The following TTN variants were observed in gnomAD, a reference collection of about 807,000 sequenced individuals.
TTN encodes the protein titin.
In TTN, 1,525 loss-of-function variants were observed where a neutral mutation model predicts 3,223.0. The ratio of observed to expected loss-of-function variants is 0.47; its 90% CI spans 0.45 to 0.49. The LOEUF is 0.49. TTN is among the 20% of genes least tolerant of loss of function. The probability of loss-of-function intolerance (pLI) is 0.00; values close to 1 mark genes in which losing one functional copy is unlikely to be tolerated. For synonymous variants in TTN, 14,094 were observed against 15,161.0 expected (o/e 0.93, Z 5.17); for missense variants, 40,786 against 43,424.0 (o/e 0.94, Z 5.40).
Position 178,545,907 on chromosome 2 carries a change from C to T in TTN, c.95329G>A (p.Glu31777Lys), listed in dbSNP as rs1203504106. Residue 31777 changes from glutamate to lysine, a missense_variant, in exon 343 of 363, where the codon GAG becomes AAG. Physicochemically the swap from Glu to Lys is moderately conservative, Grantham distance 56. Coordinates refer to ENST00000589042, the MANE Select transcript of TTN (RefSeq NM_001267550.2). ...ACTGCCCTCACTCGGAATATGTACT[C>T]ATTGTTCTTGATGAGCCTGGTAACG... ...YVVTRLIKNN[E>K]YIFRVRAVNK... is the part of the protein sequence containing the mutation. 3 of 1,613,766 alleles carry T rather than the reference C, an allele frequency of 1.9e-6. No homozygotes were observed. The highest frequency in any genetic ancestry group is 1.7e-5 in the Admixed American group (1 of 59,992).
At position 178,729,348 on chromosome 2, in the gene TTN, G is replaced by A; in HGVS notation, c.18808C>T (p.Gln6270Ter). The A allele has an allele frequency of 6.2e-7, 1 of 1,613,524 alleles. No individual in the cohort carries two copies. ...CCGCCTTCATTGGATACAATGCACT[G>A]GTATTCCCCAGTGTCTGAAGGGTCA... ...KCDPSDTGEYQCIVSNEGGSC... is the reference protein window; with the variant it reads ...KCDPSDTGEY Residue 6270 changes from glutamine (Q) to a stop codon, truncating the protein, a stop_gained, in exon 64 of 363, where the codon CAG becomes TAG. Transcript: ENST00000589042. LOFTEE classifies it high-confidence loss of function.
chr2:178,718,929 G>C lies in TTN; in HGVS notation c.24271C>G (p.Pro8091Ala). The C allele has an allele frequency of 1.9e-6, 3 of 1,611,744 alleles. No individual in the cohort carries two copies. Among genetic ancestry groups the C allele is most frequent in the Non-Finnish European group, 2.5e-6 (3 of 1,178,874 alleles). ...CTGGTGAATGTGAGGCTCATTCCAG[G>C]CAAAACTTCCACAGAATCAGGGGTT... ...EQTPDSVEVL[P>A]GMSLTFTSVI... Residue 8091 changes from proline to alanine, a missense_variant, in exon 84 of 363, where the codon CCT (proline) becomes GCT (alanine). Physicochemically the swap from Pro to Ala is conservative, Grantham distance 27 (BLOSUM62 -1). Coordinates refer to ENST00000589042, the MANE Select transcript of TTN (RefSeq NM_001267550.2).
chr2:178,782,540 G>A lies in TTN; in HGVS notation c.3163C>T (p.Arg1055Cys), dbSNP rs751317253. 4 of 1,613,890 alleles carry A rather than the reference G, an allele frequency of 2.5e-6. No individual in the cohort carries two copies. The highest frequency in any genetic ancestry group is 3.4e-6 in the Non-Finnish European group (4 of 1,179,912). Residue 1055 changes from arginine (R) to cysteine (C), a missense_variant and splice_region_variant, in exon 19 of 363, where the codon CGC (arginine) becomes TGC (cysteine). Physicochemically the swap from Arg to Cys is radical, Grantham distance 180. Transcript: ENST00000589042. ...VTEKFTTEEK[R>C]FVESRDVVMT... ...CTACTAATTAGCAAAATATTTTACCGTTTCTCTTCTGTAGTAAATTTCTCA... is the reference window on the plus strand; with the variant it reads ...CTACTAATTAGCAAAATATTTTACCATTTCTCTTCTGTAGTAAATTTCTCA...
At chr2:178,528,456 T>C in intron 360 of TTN, 29 bp from the exon 361 acceptor site, 1 of 1,607,062 alleles carries the variant, frequency 6.2e-7, no homozygotes, top group Non-Finnish European at 8.5e-7. Flanking sequence ...AAAAGAAATG[T>C]TGAAGTTCTT....
chr2:178,728,819 C>T (rs1178461916), intron 65 of TTN, 41 bp from the exon 66 acceptor site: 1 of 1,578,798 alleles, frequency 6.3e-7, no homozygotes, highest in Non-Finnish European at 8.6e-7. Flanking sequence ...ACATTGGTAA[C>T]TCCACTAGAA....
rs1328400788 is a variant in TTN, at chr2:178,659,555, G to A, written c.37286-300C>T. 3.3e-5 allele frequency among the ~76,000 whole-genome samples: 5 copies of A among 149,714 alleles called. No individual in the cohort carries two copies. In the South Asian group the frequency reaches 1.1e-3, roughly 32 times the overall value. On this transcript the variant is annotated intron_variant, in intron 180 of 362. Transcript: ENST00000589042. Reference sequence around the variant, plus strand: ...GATGGGACGTATCTCAAAATAATAAGAGCTATTTATGACAAACCCACAGCC... The same window carrying A: ...GATGGGACGTATCTCAAAATAATAAAAGCTATTTATGACAAACCCACAGCC...
At position 178,728,206 on chromosome 2, in the gene TTN, C is replaced by T. The variant is rs1157784163; in HGVS notation, c.19618G>A (p.Val6540Ile). The T allele has an allele frequency of 1.2e-6, 2 of 1,612,822 alleles. No individual in the cohort carries two copies. Among genetic ancestry groups the T allele is most frequent in the Non-Finnish European group, 1.7e-6 (2 of 1,179,374 alleles). ...VCHERSVSLE[V>I]NNLELEDTAN... The stretch of plus-strand genomic sequence containing the variant: ...GTATCTTCTAATTCCAGATTATTAA[C>T]TTCCAGAGACACAGATCTCTCATGG... The change falls in exon 67 of 363, where the codon GTT becomes ATT. Residue 6540 changes from valine to isoleucine, a missense_variant. Val to Ile is a conservative substitution (Grantham distance 29). Transcript: ENST00000589042.
In TTN at chr2:178,776,941, T is replaced by C; in HGVS notation, c.4923A>G (p.Thr1641=). 1.2e-6 allele frequency: 2 copies of C among 1,613,802 alleles called. No individual in the cohort carries two copies. Among genetic ancestry groups the C allele is most frequent in the Non-Finnish European group, 1.7e-6 (2 of 1,179,936 alleles). Reference sequence around the variant, plus strand: ...CAACTTCAACATTTACTTTGCATCTTGTAGTGTCTCTGCCAGCTTTATTAA... The same window carrying C: ...CAACTTCAACATTTACTTTGCATCTCGTAGTGTCTCTGCCAGCTTTATTAA... ...TAINKAGRDT[T]RCKVNVEVEF... The change falls in exon 28 of 363, where the codon ACA becomes ACG. Residue 1641 remains threonine (T), a synonymous_variant. Transcript: ENST00000589042.
In TTN at chr2:178,610,245, T is replaced by C. The variant is rs1314484899; in HGVS notation, c.51281A>G (p.Tyr17094Cys). The C allele has an allele frequency of 1.9e-6, 3 of 1,613,018 alleles. No homozygotes were observed. The highest frequency in any genetic ancestry group is 1.7e-6 in the Non-Finnish European group (2 of 1,179,274). ...GTTCTCACCAGACATGACTGGTATA[T>C]ATGTTCTCCTCCCAGCTTCTCTGCG... Reference protein sequence around the residue: ...LERREAGRRTYIPVMSGENKL... With the variant: ...LERREAGRRTCIPVMSGENKL... Residue 17094 changes from tyrosine (Y) to cysteine (C), a missense_variant, in exon 271 of 363, where the codon TAT becomes TGT. Transcript: ENST00000589042.
rs568554504 is a variant in TTN at position 178,677,272 on chromosome 2, T to C, written c.34307A>G (p.Lys11436Arg). Residue 11436 changes from lysine to arginine, a missense_variant, in exon 147 of 363, where the codon AAG becomes AGG. By Grantham distance (26) the Lys-to-Arg change is conservative. Coordinates refer to ENST00000589042, the MANE Select transcript of TTN (RefSeq NM_001267550.2). ...PVPAPVPEVP[K>R]KPVPEKKVPV... ...GACTTTCTTCTCTGGTACAGGTTTC[T>C]TTGGCACTTCAGGCACTTAAAAACA... is the stretch of plus-strand genomic sequence containing the variant. 3.7e-4 allele frequency: 445 copies of C among 1,212,450 alleles called. 1 individual carries two copies. In the African/African-American group the frequency reaches 6.7e-3, roughly 18 times the overall value. The allele number at this position is 1,212,450 out of a possible 1,614,324, so 75.1% of individuals were successfully genotyped here.
Position 178,746,979 on chromosome 2 carries a change from C to T in TTN, c.11312-5058G>A, listed in dbSNP as rs749042606. On this transcript the variant is annotated intron_variant, in intron 47 of 362. Coordinates refer to ENST00000589042, the MANE Select transcript of TTN (RefSeq NM_001267550.2). ...TAGAAATGCTCATTTGGTGTACCGT[C>T]TTCCCTTTCTATTTTTGATGGATAT... The T allele has an allele frequency of 2.5e-6, 4 of 1,613,484 alleles. No individual in the cohort carries two copies. In the Admixed American group the frequency reaches 6.7e-5, roughly 27 times the overall value.
Position 178,654,020 on chromosome 2 carries a change from G to A in TTN, c.38456C>T (p.Ala12819Val), listed in dbSNP as rs2063593497. Residue 12819 changes from alanine (A) to valine (V), a missense_variant, in exon 194 of 363, where the codon GCA (alanine) becomes GTA (valine). Physicochemically the swap from Ala to Val is moderately conservative, Grantham distance 64. Coordinates refer to ENST00000589042, the MANE Select transcript of TTN (RefSeq NM_001267550.2). Reference protein sequence around the residue: ...KAPIKKPEAPAVTVPEVPQEA... With the variant: ...KAPIKKPEAPVVTVPEVPQEA... ...GTTGAGCTGACATGTACCTGTAACT[G>A]CGGGGGCTTCTGGTTTTTTGATTGG... is the stretch of plus-strand genomic sequence containing the variant. 1 of 1,576,508 alleles carries A rather than the reference G, an allele frequency of 6.3e-7. No individual in the cohort carries two copies.
rs563320328 is a variant in TTN, at chr2:178,725,838, G to A, written c.20484C>T (p.Ile6828=). ...TCTGTGCTTTGCAGTGGTATTCACC[G>A]ATGTCTGAAGTGTCCACATTGAGAA... is the stretch of plus-strand genomic sequence containing the variant. ...IHILNVDTSD[I]GEYHCKAQNE... is the part of the protein sequence containing the mutation. The change falls in exon 70 of 363, where the codon ATC becomes ATT. Residue 6828 remains isoleucine, a synonymous_variant. Coordinates refer to ENST00000589042, the MANE Select transcript of TTN (RefSeq NM_001267550.2). 17 of 1,613,040 alleles carry A rather than the reference G, an allele frequency of 1.1e-5. No individual in the cohort carries two copies. The highest frequency in any genetic ancestry group is 6.7e-5 in the Admixed American group (4 of 59,934).
chr2:178,683,170 T>C (rs770686334), intron 134 of TTN, 41 bp downstream of exon 134: 7 of 1,351,762 alleles, frequency 5.2e-6, no homozygotes, highest in Non-Finnish European at 7.3e-6. Context: ...AAGAGCCAGA[T>C]AGTTTCATGC....
intron 4 of TTN, 48 bp from the exon 5 acceptor site, chr2:178,799,958 T>C: frequency 6.3e-7 from 1 of 1,581,170 alleles, no homozygotes; most frequent in Non-Finnish European, 8.7e-7. Context: ...CAATGACCCA[T>C]TTTAAAAGAG....
Position 178,539,187 on chromosome 2 carries a change from C to G in TTN, c.98748G>C (p.Leu32916Phe). The change falls in exon 353 of 363, where the codon TTG (leucine) becomes TTC (phenylalanine). Residue 32916 changes from leucine (L) to phenylalanine (F), a missense_variant. By Grantham distance (22) the Leu-to-Phe change is conservative. Coordinates refer to ENST00000589042, the MANE Select transcript of TTN (RefSeq NM_001267550.2). ...VLDVTKSSVS[L>F]SWSRPKDDGG... Reference sequence around the variant, plus strand: ...CATCATCTTTGGGCCGGGACCAGGACAAGCTAACAGAACTCTTGGTTACAT... The same window carrying G: ...CATCATCTTTGGGCCGGGACCAGGAGAAGCTAACAGAACTCTTGGTTACAT... 3 of 1,613,792 alleles carry G rather than the reference C, an allele frequency of 1.9e-6. No homozygotes were observed. Among genetic ancestry groups the G allele is most frequent in the Non-Finnish European group, 2.5e-6 (3 of 1,179,764 alleles).
rs1020792831 is a variant in TTN, at chr2:178,604,285, A to G, written c.54402T>C (p.Asn18134=). Reference sequence around the variant, plus strand: ...CCCTGACTCGGAACTCATACTGACCATTGGGGATAAGTTTCCAGATCTAGA... The same window carrying G: ...CCCTGACTCGGAACTCATACTGACCGTTGGGGATAAGTTTCCAGATCTAGA... ...KRYGIWKLIP[N]GQYEFRVRAV... is the part of the protein sequence containing the mutation. Residue 18134 remains asparagine, a synonymous_variant, in exon 282 of 363, where the codon AAT becomes AAC. Transcript: ENST00000589042. 2.7e-6 allele frequency: 4 copies of G among 1,479,760 alleles called. No individual in the cohort carries two copies. Among genetic ancestry groups the G allele is most frequent in the Non-Finnish European group, 3.6e-6 (4 of 1,113,326 alleles). 91.7% of individuals were successfully genotyped at this position (1,479,760 alleles called of 1,614,324 possible). A position where few individuals can be genotyped will look rare whatever the true frequency, so the allele number is the denominator to read the frequency against.
chr2:178,544,123 GTTAATGACAAAAT>G lies in TTN; in HGVS notation c.96029-21_96029-9del. 2 of 1,602,946 alleles carry G rather than the reference GTTAATGACAAAAT, an allele frequency of 1.2e-6. No homozygotes were observed. The highest frequency in any genetic ancestry group is 1.7e-6 in the Non-Finnish European group (2 of 1,173,048). Reference sequence around the variant, plus strand: ...GCTCAAGATCTGGTATTTCTGGAAAGTTAATGACAAAATTTAATTAATTCATGGACAGGTGTGA... The same window carrying G: ...GCTCAAGATCTGGTATTTCTGGAAAGTTAATTAATTCATGGACAGGTGTGA... On this transcript the variant is annotated splice_polypyrimidine_tract_variant and intron_variant, in intron 345 of 362. Transcript: ENST00000589042.
intron 98 of TTN, among the ~76,000 whole-genome samples, chr2:178,710,109 AG>A (rs754703817): frequency 6.6e-6 from 1 of 152,206 alleles, no homozygotes; most frequent in Non-Finnish European, 1.5e-5. Context: ...TGTAAAAAGA[AG>A]GGGTAGTCTC....
Sources: allele counts gnomAD v4.1 joint callset (sites outside exome capture counted in the v4.1 genomes callset), GRCh38; gene constraint gnomAD v4.1.1; transcripts MANE v1.5; gene names NCBI Gene and HGNC (gene_info 2026-07-23, HGNC 2026-07-21).